Variants in C1orf94 observed in about 807,000 individuals in gnomAD.
The protein encoded by C1orf94 is uncharacterized protein C1orf94.
Under a neutral mutation model 53.6 loss-of-function variants are expected in C1orf94, and 45 were observed. The ratio of observed to expected loss-of-function variants is 0.84; its 90% CI spans 0.66 to 1.08. The LOEUF is 1.08. Among genes scored for constraint, C1orf94 ranks in the 50% least tolerant of loss-of-function variants. The probability of loss-of-function intolerance (pLI) is 0.00; values close to 1 mark genes in which losing one functional copy is unlikely to be tolerated. For synonymous variants in C1orf94, 304 were observed against 296.1 expected, an observed-to-expected ratio of 1.03 and a Z score of -0.27; for missense variants, 762 against 738.9, an observed-to-expected ratio of 1.03 and a Z score of -0.36.
At chr1:34,203,422 C>T (rs892359073) in intron 4 of C1orf94, among the ~76,000 whole-genome samples, 3 of 152,058 alleles carry the variant, frequency 2.0e-5, no homozygotes, top group South Asian at 4.2e-4. Context: ...CCACCGCACC[C>T]GGCCCTCAAA....
Position 34,219,067 on chromosome 1 carries a change from A to G in C1orf94, c.*306A>G, listed in dbSNP as rs571074482. Reference sequence around the variant, plus strand: ...TTTTGTTTTTGTTTTTGTTGGTAAAATAGAAGTAAGACACTTAATTTTAGA... The same window carrying G: ...TTTTGTTTTTGTTTTTGTTGGTAAAGTAGAAGTAAGACACTTAATTTTAGA... On this transcript the variant is annotated 3_prime_UTR_variant, in exon 7 of 7. Transcript: ENST00000488417. The G allele has an allele frequency of 4.7e-6, 1 of 214,338 alleles. No individual in the cohort carries two copies. Among genetic ancestry groups the G allele is most frequent in the East Asian group, 9.5e-5 (1 of 10,570 alleles). The allele number at this position is 214,338 out of a possible 1,614,324, so 13.3% of individuals were successfully genotyped here.
chr1:34,168,741 T>C (rs1173191721), intron 1 of C1orf94, among the ~76,000 whole-genome samples: 1 of 152,196 alleles, frequency 6.6e-6, no homozygotes, highest in Non-Finnish European at 1.5e-5. Context: ...CATATCTGTG[T>C]CCAAACTTCT....
chr1:34,197,305 C>T lies in C1orf94; in HGVS notation c.401C>T (p.Ser134Leu), dbSNP rs1219613875. ...TTCCTAAGCCTCACCAAAGAGCACT[C>T]GATCCTGGTCGAAGAGAGTTCTGGG... ...QEFLSLTKEH[S>L]ILVEESSGEL... is the part of the protein sequence containing the mutation. Residue 134 changes from serine to leucine, a missense_variant, in exon 2 of 7, where the codon TCG (serine) becomes TTG (leucine). Coordinates refer to ENST00000488417, the MANE Select transcript of C1orf94 (RefSeq NM_001134734.2). This position sits in a 1 kb window ranked among gnomAD's most constrained non-coding sequence, Gnocchi z 4.1. 1.7e-5 allele frequency: 27 copies of T among 1,557,492 alleles called. No homozygotes were observed. The highest frequency in any genetic ancestry group is 1.7e-4 in the Middle Eastern group (1 of 5,998).
chr1:34,192,104 T>G (rs1642503184), intron 1 of C1orf94, among the ~76,000 whole-genome samples: 1 of 151,958 alleles, frequency 6.6e-6, no homozygotes, highest in Admixed American at 6.6e-5. Context: ...GATTAGGTGG[T>G]TTTTCCCAAC....
chr1:34,202,137 G>A lies in C1orf94; in HGVS notation c.1324G>A (p.Val442Ile), dbSNP rs1159086768. 1 of 1,614,188 alleles carries A rather than the reference G, an allele frequency of 6.2e-7. No individual in the cohort carries two copies. The highest frequency in any genetic ancestry group is 1.3e-5 in the African/African-American group (1 of 75,046). ...DKNNPKYTGN[V>I]FTPHFPTAMT... ...GAACAACCCGAAGTACACAGGGAAT[G>A]TTTTCACTCCACACTTTCCTACAGC... Residue 442 changes from valine (V) to isoleucine (I), a missense_variant, in exon 4 of 7, where the codon GTT becomes ATT. Val to Ile is a conservative substitution (Grantham distance 29). Transcript: ENST00000488417.
At chr1:34,204,143 G>A (rs74063796) in intron 4 of C1orf94, among the ~76,000 whole-genome samples, 5 of 152,014 alleles carry the variant, frequency 3.3e-5, no homozygotes, top group African/African-American at 9.7e-5. Context: ...TCCCTTCCCC[G>A]CTCTCCACTC....
At chr1:34,202,341 T>G (rs569498351) in intron 4 of C1orf94, 82 bp downstream of exon 4, 1 of 1,477,366 alleles carries the variant, frequency 6.8e-7, no homozygotes, top group East Asian at 2.3e-5. Flanking sequence ...GGGGGTCTAT[T>G]TCACAGAGTC....
chr1:34,212,131 G>A (rs992475317), intron 5 of C1orf94, 79 bp from the exon 6 acceptor site: 4 of 1,340,384 alleles, frequency 3.0e-6, no homozygotes, highest in Non-Finnish European at 4.1e-6. Flanking sequence ...CACAGGGGCT[G>A]AGACTGGGGG....
intron 1 of C1orf94, among the ~76,000 whole-genome samples, chr1:34,180,535 A>G (rs548510785): frequency 8.5e-5 from 13 of 152,222 alleles, no homozygotes; most frequent in Non-Finnish European, 1.5e-4. Flanking sequence ...CCAAGCTCCT[A>G]CAGTTAGGAA....
chr1:34,219,003 C>T lies in C1orf94; in HGVS notation c.*242C>T, dbSNP rs886093989. The T allele has an allele frequency of 2.9e-6, 1 of 342,190 alleles. No individual in the cohort carries two copies. Among genetic ancestry groups the T allele is most frequent in the Non-Finnish European group, 5.2e-6 (1 of 190,772 alleles). The allele number at this position is 342,190 out of a possible 1,614,324, so 21.2% of individuals were successfully genotyped here. On this transcript the variant is annotated 3_prime_UTR_variant, in exon 7 of 7. Coordinates refer to ENST00000488417, the MANE Select transcript of C1orf94 (RefSeq NM_001134734.2). The stretch of plus-strand genomic sequence containing the variant: ...ACCCTCATATTCATACTTGCTTGCT[C>T]AACCACTTATGCATCTATATTTAGC...
At chr1:34,192,838 C>T (rs575587843) in intron 1 of C1orf94, among the ~76,000 whole-genome samples, 15 of 152,140 alleles carry the variant, frequency 9.9e-5, no homozygotes, top group South Asian at 6.2e-4. Context: ...CAAAGGCCCT[C>T]GGGCTGGAAT....
chr1:34,177,307 C>T lies in C1orf94; in HGVS notation c.-483C>T, dbSNP rs1421018862. Among the ~76,000 whole-genome samples, 2 of 152,048 alleles carry T rather than the reference C, an allele frequency of 1.3e-5. No individual in the cohort carries two copies. The highest frequency in any genetic ancestry group is 2.9e-5 in the Non-Finnish European group (2 of 67,950). On this transcript the variant is annotated 5_prime_UTR_variant, in exon 1 of 7. Transcript: ENST00000488417. ...GGAACGCCCAGGCGAGCGCCTCCTG[C>T]GGGGCCCCGCCCCCCGAGTGCCTAC... is the stretch of plus-strand genomic sequence containing the variant.
In C1orf94 at chr1:34,192,138, A is replaced by C. The variant is rs2169905; in HGVS notation, c.321-5087A>C. Among the ~76,000 whole-genome samples the C allele has an allele frequency of 1.4e-4, 21 of 152,282 alleles. No homozygotes were observed. The East Asian group carries it at 4.1e-3, about 29-fold the overall frequency. On this transcript the variant is annotated intron_variant, in intron 1 of 6. Coordinates refer to ENST00000488417, the MANE Select transcript of C1orf94 (RefSeq NM_001134734.2). The stretch of plus-strand genomic sequence containing the variant: ...ACCCCAAAGAGAAAGCGAATAGCAC[A>C]GGAGAGATGCCAGGACTGGCAAAAC...
At position 34,207,259 on chromosome 1, in the gene C1orf94, C is replaced by A. The variant is rs1048970911; in HGVS notation, c.1447-898C>A. Among the ~76,000 whole-genome samples, 3 of 103,070 alleles carry A rather than the reference C, an allele frequency of 2.9e-5. No homozygotes were observed. In the South Asian group the frequency reaches 1.2e-3, roughly 40 times the overall value. 67.6% of individuals were successfully genotyped at this position (103,070 alleles called of 152,430 possible). A position where few individuals can be genotyped will look rare whatever the true frequency, so the allele number is the denominator to read the frequency against. ...GACCACTGCCACAGCAGCAGTTCTGCGGGGTGTGTGTGTGTGTGTGTGTGT... is the reference window on the plus strand; with the variant it reads ...GACCACTGCCACAGCAGCAGTTCTGAGGGGTGTGTGTGTGTGTGTGTGTGT... On this transcript the variant is annotated intron_variant, in intron 4 of 6. Transcript: ENST00000488417.
At chr1:34,211,496 C>A (rs1642888668) in intron 5 of C1orf94, among the ~76,000 whole-genome samples, 1 of 152,186 alleles carries the variant, frequency 6.6e-6, no homozygotes, top group Admixed American at 6.5e-5. Context: ...AGAGTTTGTG[C>A]TCAACCCCAT....
chr1:34,193,335 G>A (rs781650202), intron 1 of C1orf94, among the ~76,000 whole-genome samples: 3 of 152,074 alleles, frequency 2.0e-5, no homozygotes, highest in Admixed American at 6.6e-5. Context: ...GTAAATTGGC[G>A]GAAGACTCAG....
Position 34,202,233 on chromosome 1 carries a change from A to C in C1orf94, c.1420A>C (p.Asn474His). 1 of 1,614,162 alleles carries C rather than the reference A, an allele frequency of 6.2e-7. No individual in the cohort carries two copies. Among genetic ancestry groups the C allele is most frequent in the Non-Finnish European group, 8.5e-7 (1 of 1,180,012 alleles). ...CTATCCACCTCCACCAGTGTTCACG[A>C]ATCACTCTACCTTCTTGCAGTATCA... ...LNYPPPPVFTNHSTFLQYQGL... is the reference protein window; with the variant it reads ...LNYPPPPVFTHHSTFLQYQGL... Residue 474 changes from asparagine (N) to histidine (H), a missense_variant, in exon 4 of 7, where the codon AAT becomes CAT. Transcript: ENST00000488417.
chr1:34,202,374 C>T (rs1233204743), intron 4 of C1orf94, 115 bp downstream of exon 4: 2 of 1,178,258 alleles, frequency 1.7e-6, no homozygotes, highest in East Asian at 4.9e-5. Flanking sequence ...TGAATCCCTT[C>T]CCTACATGCA....
intron 6 of C1orf94, among the ~76,000 whole-genome samples, chr1:34,217,328 T>A (rs759673281): frequency 6.6e-6 from 1 of 152,206 alleles, no homozygotes; most frequent in African/African-American, 2.4e-5. Context: ...CCTAGCTGCA[T>A]GTGTGCCAAT....
Sources: allele counts gnomAD v4.1 joint callset (sites outside exome capture counted in the v4.1 genomes callset), GRCh38; gene constraint gnomAD v4.1.1; non-coding constraint Gnocchi (gnomAD v3.1); transcripts MANE v1.5; gene names NCBI Gene and HGNC (gene_info 2026-07-23, HGNC 2026-07-21).